PLXDC2: variants seen among roughly 807,000 people sequenced by gnomAD.
The protein encoded by PLXDC2 is plexin domain containing 2.
A neutral mutation model predicts 68.9 loss-of-function variants in PLXDC2; 40 were observed. The observed-to-expected ratio is 0.58, with a 90% CI of 0.45 to 0.76. PLXDC2 has a LOEUF of 0.76. Among genes scored for constraint, PLXDC2 ranks in the 30% least tolerant of loss-of-function variants. PLXDC2 has a pLI of 0.00. For synonymous variants in PLXDC2, 243 were observed against 234.2 expected (o/e 1.04, Z -0.34); for missense variants, 644 against 661.9 (o/e 0.97, Z 0.30).
At chr10:20,049,891 C>T (rs760488129) in intron 3 of PLXDC2, among the ~76,000 whole-genome samples, 3 of 151,972 alleles carry the variant, frequency 2.0e-5, no homozygotes, top group Non-Finnish European at 4.4e-5. Flanking sequence ...AAAAAAGAGC[C>T]CAAATAGCCA....
At chr10:20,244,579 T>G (rs1264319837) in intron 12 of PLXDC2, among the ~76,000 whole-genome samples, 2 of 152,120 alleles carry the variant, frequency 1.3e-5, no homozygotes, top group Admixed American at 6.6e-5. Context: ...ATGCTTGGAG[T>G]TCATGCACAG....
intron 1 of PLXDC2, among the ~76,000 whole-genome samples, chr10:19,936,797 G>A (rs1403804596): frequency 2.0e-5 from 3 of 152,092 alleles, no homozygotes; most frequent in Non-Finnish European, 2.9e-5. Context: ...GATCTCAATG[G>A]CAATTAACTT....
intron 1 of PLXDC2, among the ~76,000 whole-genome samples, chr10:19,870,426 C>CT (rs11389567): frequency 0.31 from 47,074 of 150,068 alleles, 7,642 homozygotes; most frequent in Middle Eastern, 0.48. Context: ...ATTACTATTA[C>CT]TTTTTTTTTT....
chr10:20,072,122 G>A (rs1308374272), intron 4 of PLXDC2, among the ~76,000 whole-genome samples: 2 of 151,964 alleles, frequency 1.3e-5, no homozygotes, highest in Non-Finnish European at 1.5e-5. Context: ...CGAGGTGGGC[G>A]GATCACCTGA....
intron 9 of PLXDC2, among the ~76,000 whole-genome samples, chr10:20,206,474 G>A (rs1012614839): frequency 6.6e-6 from 1 of 152,028 alleles, no homozygotes; most frequent in Non-Finnish European, 1.5e-5. Flanking sequence ...TAGGCCAGCC[G>A]TATGTAATAG....
intron 13 of PLXDC2, among the ~76,000 whole-genome samples, chr10:20,250,006 G>A (rs2065455): frequency 0.58 from 87,490 of 151,828 alleles, 26,391 homozygotes; most frequent in Middle Eastern, 0.73. Context: ...GGTGGCTCAC[G>A]CCTCTAATCC....
At chr10:20,221,927 G>A (rs779443523) in intron 12 of PLXDC2, among the ~76,000 whole-genome samples, 40 of 152,064 alleles carry the variant, frequency 2.6e-4, no homozygotes, top group Admixed American at 1.1e-3. Flanking sequence ...TAATTGGACC[G>A]CTGTTTTTTA....
chr10:19,960,234 C>T (rs79300203), intron 1 of PLXDC2, among the ~76,000 whole-genome samples: 5,971 of 149,906 alleles, frequency 0.04, 163 homozygotes, highest in Middle Eastern at 0.1. Context: ...GGTGGTAGTG[C>T]ACACGTGTAT....
At chr10:19,899,796 C>T (rs560445277) in intron 1 of PLXDC2, among the ~76,000 whole-genome samples, 28 of 152,144 alleles carry the variant, frequency 1.8e-4, no homozygotes, top group African/African-American at 2.9e-4. Flanking sequence ...ATTTCTTTAA[C>T]ACCTTTATGT....
chr10:20,124,415 G>T (rs1833742484), intron 4 of PLXDC2, among the ~76,000 whole-genome samples: 1 of 152,118 alleles, frequency 6.6e-6, no homozygotes. Flanking sequence ...GATGTTCCTT[G>T]GGCTGGTAGG....
chr10:20,027,294 G>T (rs12241140), intron 2 of PLXDC2, among the ~76,000 whole-genome samples: 12,370 of 152,020 alleles, frequency 0.081, 1,007 homozygotes, highest in African/African-American at 0.21. Context: ...GAAGTGTTTA[G>T]TTTATAAGGC....
chr10:19,881,567 T>A (rs149136918), intron 1 of PLXDC2, among the ~76,000 whole-genome samples: 91 of 152,300 alleles, frequency 6.0e-4, no homozygotes, highest in African/African-American at 2.1e-3. Context: ...CTAGATTTAC[T>A]GATGGACATC....
chr10:20,274,710 T>C (rs1379087219), intron 13 of PLXDC2, among the ~76,000 whole-genome samples: 1 of 152,134 alleles, frequency 6.6e-6, no homozygotes, highest in Non-Finnish European at 1.5e-5. Flanking sequence ...AAGGAAAAAG[T>C]GACCTACATT....
intron 1 of PLXDC2, among the ~76,000 whole-genome samples, chr10:19,825,004 T>C (rs7914865): frequency 0.71 from 108,046 of 151,920 alleles, 39,205 homozygotes; most frequent in African/African-American, 0.84. Flanking sequence ...ATCTCTTCTG[T>C]CAGAGGCCAT....
At chr10:20,044,229 CT>C (rs869237478) in intron 2 of PLXDC2, among the ~76,000 whole-genome samples, 4 of 68,746 alleles carry the variant, frequency 5.8e-5, no homozygotes, top group South Asian at 4.7e-4. Flanking sequence ...TTCTTTCTTT[CT>C]TTCTTTCTTT....
rs559741533 is a variant in PLXDC2 at position 20,182,065 on chromosome 10, G to A, written c.1061+4656G>A. Among the ~76,000 whole-genome samples the A allele has an allele frequency of 1.2e-3, 152 of 130,966 alleles. 1 individual carries two copies. Among genetic ancestry groups the A allele is most frequent in the African/African-American group, 3.7e-3 (120 of 32,788 alleles). The allele number at this position is 130,966 out of a possible 152,430, so 85.9% of individuals were successfully genotyped here. On this transcript the variant is annotated intron_variant, in intron 9 of 13. Transcript: ENST00000377252. The stretch of plus-strand genomic sequence containing the variant: ...ATGCAAGGTGTTTGGGAAGGAAACC[G>A]GTTATTTGTGTGTGTGTGTGTGTGT...
chr10:20,181,302 A>G (rs1328887606), intron 9 of PLXDC2, among the ~76,000 whole-genome samples: 1 of 152,096 alleles, frequency 6.6e-6, no homozygotes, highest in Non-Finnish European at 1.5e-5. Context: ...TATAGAATGC[A>G]TAACACATGT....
At chr10:20,089,169 C>CGT (rs34167804) in intron 4 of PLXDC2, among the ~76,000 whole-genome samples, 5,741 of 142,592 alleles carry the variant, frequency 0.04, 166 homozygotes, top group East Asian at 0.14. Flanking sequence ...CCTGTATATA[C>CGT]GTGTGTGTGT....
At chr10:20,018,324 A>G (rs1044724180) in intron 2 of PLXDC2, among the ~76,000 whole-genome samples, 1 of 152,198 alleles carries the variant, frequency 6.6e-6, no homozygotes, top group Non-Finnish European at 1.5e-5. Flanking sequence ...AATCAGTAAG[A>G]TATATGATTC....
Sources: gnomAD v4.1 joint callset for allele counts (sites outside exome capture counted in the v4.1 genomes callset) on GRCh38, gnomAD v4.1.1 for gene constraint, MANE v1.5 for transcripts, NCBI Gene and HGNC (gene_info 2026-07-23, HGNC 2026-07-21) for gene names.